IGFBP2: variants seen among roughly 807,000 people sequenced by gnomAD.
The protein encoded by IGFBP2 is insulin-like growth factor-binding protein 2.
Under a neutral mutation model 26.2 loss-of-function variants are expected in IGFBP2, and 12 were observed. The observed-to-expected ratio is 0.46, with a 90% CI of 0.29 to 0.74. The LOEUF is 0.74. Among genes scored for constraint, IGFBP2 ranks in the 30% least tolerant of loss-of-function variants. The pLI is 0.09. For missense variants in IGFBP2, 328 were observed against 441.2 expected, an observed-to-expected ratio of 0.74 and a Z score of 2.30; for synonymous variants, 189 against 200.6, an observed-to-expected ratio of 0.94 and a Z score of 0.49.
At position 216,647,730 on chromosome 2, in the gene IGFBP2, C is replaced by T. The variant is rs1041771907; in HGVS notation, c.443-12827C>T. On this transcript the variant is annotated intron_variant, in intron 1 of 3. Coordinates refer to ENST00000233809, the MANE Select transcript of IGFBP2 (RefSeq NM_000597.3). Reference sequence around the variant, plus strand: ...AGAGACGGGGTTTCACCATGTTAGCCAGGATGGTCTCGATTTGCTGACCTC... The same window carrying T: ...AGAGACGGGGTTTCACCATGTTAGCTAGGATGGTCTCGATTTGCTGACCTC... Among the ~76,000 whole-genome samples the T allele has an allele frequency of 9.9e-5, 15 of 152,144 alleles. 1 individual carries two copies. Among genetic ancestry groups the T allele is most frequent in the South Asian group, 2.1e-4 (1 of 4,812 alleles).
rs771452702 is a variant in IGFBP2, at chr2:216,633,573, T to TGCTGCCGCC, written c.58_59insCGCTGCCGC (p.Pro19_Leu20insProLeuPro). ...GCGCTGCCGCTGCCGCCGCCGCCGCTGCTGCCGCTGCTGCTGCTGCTACTG... is the reference window on the plus strand; with the variant it reads ...GCGCTGCCGCTGCCGCCGCCGCCGCTGCTGCCGCCGCTGCCGCTGCTGCTGCTGCTACTG... On this transcript the variant is annotated inframe_insertion, in exon 1 of 4. Transcript: ENST00000233809. The TGCTGCCGCC allele has an allele frequency of 0.059, 59,373 of 1,009,770 alleles. 1,911 individuals are homozygous for TGCTGCCGCC. Among genetic ancestry groups the TGCTGCCGCC allele is most frequent in the East Asian group, 0.066 (653 of 9,844 alleles). 62.6% of individuals were successfully genotyped at this position (1,009,770 alleles called of 1,614,324 possible).
intron 1 of IGFBP2, among the ~76,000 whole-genome samples, chr2:216,638,747 T>G (rs1034556462): frequency 1.3e-5 from 2 of 151,692 alleles, no homozygotes; most frequent in African/African-American, 4.8e-5. Flanking sequence ...TTGCCCAGGC[T>G]GGAGTGCAGT....
chr2:216,633,696 T>C lies in IGFBP2; in HGVS notation c.173T>C (p.Val58Ala), dbSNP rs1295977679. 6.8e-5 allele frequency: 80 copies of C among 1,174,238 alleles called. No individual in the cohort carries two copies. The highest frequency in any genetic ancestry group is 7.9e-5 in the Non-Finnish European group (75 of 952,874). 72.7% of individuals were successfully genotyped at this position (1,174,238 alleles called of 1,614,324 possible). A position where few individuals can be genotyped will look rare whatever the true frequency, so the allele number is the denominator to read the frequency against. The change falls in exon 1 of 4, where the codon GTT (valine) becomes GCT (alanine). Residue 58 changes from valine (V) to alanine (A), a missense_variant. Transcript: ENST00000233809. Reference sequence around the variant, plus strand: ...CTGGCCGCCTGCGGGCCCCCGCCGGTTGCGCCGCCCGCCGCGGTGGCCGCA... The same window carrying C: ...CTGGCCGCCTGCGGGCCCCCGCCGGCTGCGCCGCCCGCCGCGGTGGCCGCA... ...ERLAACGPPPVAPPAAVAAVA... is the reference protein window; with the variant it reads ...ERLAACGPPPAAPPAAVAAVA...
chr2:216,664,134 G>GCC lies in IGFBP2; in HGVS notation c.*35_*36dup, dbSNP rs778439874. 3 of 1,508,222 alleles carry GCC rather than the reference G, an allele frequency of 2.0e-6. No individual in the cohort carries two copies. Among genetic ancestry groups the GCC allele is most frequent in the African/African-American group, 1.4e-5 (1 of 72,370 alleles). The allele number at this position is 1,508,222 out of a possible 1,614,324, so 93.4% of individuals were successfully genotyped here. On this transcript the variant is annotated 3_prime_UTR_variant, in exon 4 of 4. Coordinates refer to ENST00000233809, the MANE Select transcript of IGFBP2 (RefSeq NM_000597.3). This position sits in a 1 kb window ranked among gnomAD's most constrained non-coding sequence, Gnocchi z 4.6. ...CAGCCAGCCGGTGCCTGGCGCCCCT[G>GCC]CCCCCCGCCCCTCTCCAAACACCGG... is the stretch of plus-strand genomic sequence containing the variant.
Position 216,633,606 on chromosome 2 carries a change from G to T in IGFBP2, c.83G>T (p.Ser28Ile). 1 of 998,034 alleles carries T rather than the reference G, an allele frequency of 1.0e-6. No homozygotes were observed. Among genetic ancestry groups the T allele is most frequent in the Non-Finnish European group, 1.2e-6 (1 of 842,950 alleles). The allele number at this position is 998,034 out of a possible 1,614,324, so 61.8% of individuals were successfully genotyped here. ...LPLLLLLLGA[S>I]GGGGGARAEV... ...CTGCTGCTGCTGCTACTGGGCGCGA[G>T]TGGCGGCGGCGGCGGGGCGCGCGCG... is the stretch of plus-strand genomic sequence containing the variant. The change falls in exon 1 of 4, where the codon AGT becomes ATT. Residue 28 changes from serine to isoleucine, a missense_variant. Ser to Ile is a moderately radical substitution (Grantham distance 142). Coordinates refer to ENST00000233809, the MANE Select transcript of IGFBP2 (RefSeq NM_000597.3).
chr2:216,654,300 C>A (rs551950995), intron 1 of IGFBP2, among the ~76,000 whole-genome samples: 4 of 152,256 alleles, frequency 2.6e-5, no homozygotes, highest in Admixed American at 2.0e-4. Flanking sequence ...TAAGAGCTAA[C>A]CCCATGTGTG....
At chr2:216,645,575 A>G (rs1248053359) in intron 1 of IGFBP2, among the ~76,000 whole-genome samples, 1 of 152,242 alleles carries the variant, frequency 6.6e-6, no homozygotes, top group Non-Finnish European at 1.5e-5. Context: ...AAAGGTAAAC[A>G]TGCAAGCCAC....
At chr2:216,657,991 T>C (rs1242117038) in intron 1 of IGFBP2, among the ~76,000 whole-genome samples, 1 of 152,246 alleles carries the variant, frequency 6.6e-6, no homozygotes, top group East Asian at 1.9e-4. Context: ...CTCCCCTTTT[T>C]GATGTCCCAA....
chr2:216,650,567 C>CA (rs1697799636), intron 1 of IGFBP2, among the ~76,000 whole-genome samples: 1 of 152,226 alleles, frequency 6.6e-6, no homozygotes, highest in African/African-American at 2.4e-5. Context: ...CGTGGAAGGG[C>CA]AGTAGCCTGT....
rs569219487 is a variant in IGFBP2, at chr2:216,647,732, G to A, written c.443-12825G>A. 3.3e-5 allele frequency among the ~76,000 whole-genome samples: 5 copies of A among 152,258 alleles called. No individual in the cohort carries two copies. In the South Asian group the frequency reaches 6.2e-4, roughly 19 times the overall value. ...AGACGGGGTTTCACCATGTTAGCCA[G>A]GATGGTCTCGATTTGCTGACCTCGT... On this transcript the variant is annotated intron_variant, in intron 1 of 3. Coordinates refer to ENST00000233809, the MANE Select transcript of IGFBP2 (RefSeq NM_000597.3).
chr2:216,647,815 C>T (rs989690237), intron 1 of IGFBP2, among the ~76,000 whole-genome samples: 6 of 152,064 alleles, frequency 3.9e-5, no homozygotes, highest in Non-Finnish European at 5.9e-5. Flanking sequence ...CCACTGCGCC[C>T]GGCCCTTATT....
intron 1 of IGFBP2, among the ~76,000 whole-genome samples, chr2:216,656,735 T>A (rs1328635248): frequency 6.6e-6 from 1 of 152,084 alleles, no homozygotes; most frequent in Non-Finnish European, 1.5e-5. Flanking sequence ...AACGTGTTGT[T>A]ATAGCCATAA....
intron 1 of IGFBP2, among the ~76,000 whole-genome samples, chr2:216,658,454 C>T (rs945074346): frequency 1.3e-5 from 2 of 152,066 alleles, no homozygotes; most frequent in African/African-American, 4.8e-5. Flanking sequence ...CTGGGGCATT[C>T]GTCATTGTCA....
intron 1 of IGFBP2, among the ~76,000 whole-genome samples, chr2:216,654,138 C>T (rs114843807): frequency 3.9e-5 from 6 of 152,182 alleles, no homozygotes; most frequent in Non-Finnish European, 7.4e-5. Flanking sequence ...AGCTGGAGTT[C>T]GACATCTGGA....
Position 216,662,007 on chromosome 2 carries a change from G to A in IGFBP2, c.813+9G>A. On this transcript the variant is annotated intron_variant, in intron 3 of 3. Coordinates refer to ENST00000233809, the MANE Select transcript of IGFBP2 (RefSeq NM_000597.3). ...TGTACAACCTCAAACAGGTGAGCAT[G>A]GTGCCAGCCTGGGCCAGAGCAGCTC... 6.2e-7 allele frequency: 1 copy of A among 1,613,734 alleles called. No individual in the cohort carries two copies. Among genetic ancestry groups the A allele is most frequent in the Non-Finnish European group, 8.5e-7 (1 of 1,179,774 alleles).
In IGFBP2 at chr2:216,633,485, C is replaced by A; in HGVS notation, c.-39C>A. 1 of 548,740 alleles carries A rather than the reference C, an allele frequency of 1.8e-6. No homozygotes were observed. Among genetic ancestry groups the A allele is most frequent in the Non-Finnish European group, 2.3e-6 (1 of 428,198 alleles). The allele number at this position is 548,740 out of a possible 1,614,324, so 34.0% of individuals were successfully genotyped here. ...CGTGCCACCTGCCCGCCCGCCCGCT[C>A]GCTCGCTCGCCCGCCGCGCCGCGCT... On this transcript the variant is annotated 5_prime_UTR_variant, in exon 1 of 4. Transcript: ENST00000233809.
intron 1 of IGFBP2, among the ~76,000 whole-genome samples, chr2:216,650,620 C>G (rs536801806): frequency 6.6e-6 from 1 of 152,164 alleles, no homozygotes; most frequent in African/African-American, 2.4e-5. Context: ...TGAGCTCTTC[C>G]GCACTCAGCT....
At chr2:216,635,061 A>G (rs1001297257) in intron 1 of IGFBP2, among the ~76,000 whole-genome samples, 2 of 151,460 alleles carry the variant, frequency 1.3e-5, no homozygotes, top group Non-Finnish European at 2.9e-5. Context: ...AAAAGTGAAA[A>G]GAAGAATGCT....
chr2:216,655,961 A>G (rs538657017), intron 1 of IGFBP2, among the ~76,000 whole-genome samples: 2 of 152,252 alleles, frequency 1.3e-5, no homozygotes, highest in East Asian at 3.9e-4. Context: ...CAAATGTATT[A>G]ATATTATATA....
Sources: gnomAD v4.1 joint callset for allele counts (sites outside exome capture counted in the v4.1 genomes callset) on GRCh38, gnomAD v4.1.1 for gene constraint, Gnocchi (gnomAD v3.1) non-coding constraint, MANE v1.5 for transcripts, NCBI Gene and HGNC (gene_info 2026-07-23, HGNC 2026-07-21) for gene names.